TWSG1: variants seen among roughly 807,000 people sequenced by gnomAD.
TWSG1 encodes the protein twisted gastrulation protein homolog 1.
TWSG1 carries 15 observed loss-of-function variants against 23.0 expected under a neutral mutation model. That is an observed-to-expected ratio of 0.65 (90% CI 0.44 to 1.00). The LOEUF is 1.00. Ranked by LOEUF, TWSG1 falls within the 50% of genes least tolerant of loss-of-function variation. TWSG1 has a pLI of 0.00. For synonymous variants in TWSG1, 86 were observed against 92.8 expected, an observed-to-expected ratio of 0.93 and a Z score of 0.42; for missense variants, 242 against 278.7, an observed-to-expected ratio of 0.87 and a Z score of 0.94.
intron 4 of TWSG1, 23 bp downstream of exon 4, chr18:9,396,569 T>C: frequency 6.2e-7 from 1 of 1,602,544 alleles, no homozygotes; most frequent in Non-Finnish European, 8.5e-7. Flanking sequence ...AGTTGACTTT[T>C]TCCATTCCGC....
At chr18:9,371,087 T>C (rs1029365190) in intron 3 of TWSG1, among the ~76,000 whole-genome samples, 13 of 152,062 alleles carry the variant, frequency 8.5e-5, no homozygotes, top group Non-Finnish European at 1.6e-4. Flanking sequence ...ATTAGATTTA[T>C]GTAACTTCCC....
At chr18:9,388,253 C>G (rs1457180828) in intron 3 of TWSG1, 1 of 152,210 alleles carries the variant, frequency 6.6e-6, no homozygotes, top group Non-Finnish European at 1.5e-5. Context: ...TCTCTCAGGT[C>G]ATGCCATGTG....
intron 3 of TWSG1, among the ~76,000 whole-genome samples, chr18:9,387,401 G>T (rs1277913012): frequency 6.6e-6 from 1 of 152,028 alleles, no homozygotes; most frequent in Admixed American, 6.6e-5. Flanking sequence ...TATCCCTCAC[G>T]CAGGTTCAGC....
At position 9,360,142 on chromosome 18, in the gene TWSG1, G is replaced by A. The variant is rs1311377732; in HGVS notation, c.223+71G>A. 4 of 1,222,678 alleles carry A rather than the reference G, an allele frequency of 3.3e-6. No individual in the cohort carries two copies. The East Asian group carries it at 9.5e-5, about 29-fold the overall frequency. The allele number at this position is 1,222,678 out of a possible 1,614,324, so 75.7% of individuals were successfully genotyped here. On this transcript the variant is annotated intron_variant, in intron 3 of 4. Transcript: ENST00000262120. ...ATCCTTGGCTTTAAGAGACTTTAAGGAATATAAATGTAGTTTATGTGCATA... is the reference window on the plus strand; with the variant it reads ...ATCCTTGGCTTTAAGAGACTTTAAGAAATATAAATGTAGTTTATGTGCATA...
At chr18:9,375,661 T>C (rs1343289208) in intron 3 of TWSG1, among the ~76,000 whole-genome samples, 1 of 152,186 alleles carries the variant, frequency 6.6e-6, no homozygotes, top group Non-Finnish European at 1.5e-5. Flanking sequence ...ATAAGGTTAA[T>C]ATATAAAAAG....
intron 2 of TWSG1, among the ~76,000 whole-genome samples, chr18:9,352,660 T>C (rs956056959): frequency 3.9e-5 from 6 of 152,234 alleles, no homozygotes; most frequent in Non-Finnish European, 8.8e-5. Context: ...TCAATGACGT[T>C]TCCTTGTTTT....
At position 9,399,835 on chromosome 18, in the gene TWSG1, G is replaced by T; in HGVS notation, c.*308G>T. On this transcript the variant is annotated 3_prime_UTR_variant, in exon 5 of 5. Coordinates refer to ENST00000262120, the MANE Select transcript of TWSG1 (RefSeq NM_020648.6). Reference sequence around the variant, plus strand: ...AGGTTTTTAACATGAAGTCTGACGTGGTTTTCCTCTAGCATTCCAAAAGGT... The same window carrying T: ...AGGTTTTTAACATGAAGTCTGACGTTGTTTTCCTCTAGCATTCCAAAAGGT... The T allele has an allele frequency of 1.0e-5, 2 of 199,716 alleles. No homozygotes were observed. Among genetic ancestry groups the T allele is most frequent in the Non-Finnish European group, 2.0e-5 (2 of 99,844 alleles). 12.4% of individuals were successfully genotyped at this position (199,716 alleles called of 1,614,324 possible). A position where few individuals can be genotyped will look rare whatever the true frequency, so the allele number is the denominator to read the frequency against.
chr18:9,387,600 A>G (rs1232898384), intron 3 of TWSG1, among the ~76,000 whole-genome samples: 1 of 125,234 alleles, frequency 8.0e-6, no homozygotes, highest in African/African-American at 3.4e-5. Flanking sequence ...CTTCATCTCT[A>G]CTAAAAATAC....
intron 3 of TWSG1, among the ~76,000 whole-genome samples, chr18:9,389,620 T>C (rs770655696): frequency 6.6e-6 from 1 of 152,190 alleles, no homozygotes; most frequent in African/African-American, 2.4e-5. Context: ...ACAACTTTGT[T>C]CTCCTCAGCT....
intron 3 of TWSG1, among the ~76,000 whole-genome samples, chr18:9,377,387 T>C (rs2040635668): frequency 6.6e-6 from 1 of 151,644 alleles, no homozygotes; most frequent in Non-Finnish European, 1.5e-5. Flanking sequence ...CCCAGCTAAT[T>C]TTTGTATTTT....
At chr18:9,384,961 C>G (rs1019743319) in intron 3 of TWSG1, among the ~76,000 whole-genome samples, 1 of 152,004 alleles carries the variant, frequency 6.6e-6, no homozygotes, top group African/African-American at 2.4e-5. Context: ...TGTGCTTGCT[C>G]TTTAGTAAAC....
At position 9,396,346 on chromosome 18, in the gene TWSG1, A is replaced by G; in HGVS notation, c.290A>G (p.His97Arg). 1 of 1,614,162 alleles carries G rather than the reference A, an allele frequency of 6.2e-7. No homozygotes were observed. The highest frequency in any genetic ancestry group is 8.5e-7 in the Non-Finnish European group (1 of 1,180,020). ...TCAAAGAGCACAGTGGAGGAGCTGC[A>G]TGAACCGATCCCTTCTCTCTTCCGG... ...PTSKSTVEELHEPIPSLFRAL... is the reference protein window; with the variant it reads ...PTSKSTVEELREPIPSLFRAL... The change falls in exon 4 of 5, where the codon CAT becomes CGT. Residue 97 changes from histidine to arginine, a missense_variant. Physicochemically the swap from His to Arg is conservative, Grantham distance 29. Transcript: ENST00000262120.
At chr18:9,335,180 C>G (rs1242271751) in intron 1 of TWSG1, among the ~76,000 whole-genome samples, 3 of 152,106 alleles carry the variant, frequency 2.0e-5, no homozygotes, top group Admixed American at 6.5e-5. Context: ...CCGCAGCCCG[C>G]GTCGGCCGAG....
intron 3 of TWSG1, among the ~76,000 whole-genome samples, chr18:9,386,163 CA>C (rs879389343): frequency 1.5e-3 from 193 of 128,522 alleles, no homozygotes; most frequent in Admixed American, 1.3e-3. Flanking sequence ...GAATCTGTCT[CA>C]AAAAAAAAAA....
chr18:9,343,213 TATA>T (rs2040454665), intron 2 of TWSG1, among the ~76,000 whole-genome samples: 2 of 1,804 alleles, frequency 1.1e-3, no homozygotes, highest in Non-Finnish European at 2.8e-3. Flanking sequence ...TTTTTTGTTA[TATA>T]TATATATATA....
intron 2 of TWSG1, among the ~76,000 whole-genome samples, chr18:9,358,919 T>C (rs2145606559): frequency 6.6e-6 from 1 of 152,218 alleles, no homozygotes; most frequent in South Asian, 2.1e-4. Flanking sequence ...AAGTAATCAG[T>C]GGTGGCTATG....
chr18:9,335,058 C>G (rs4797362), intron 1 of TWSG1, 138 bp downstream of exon 1: 81,714 of 152,344 alleles, frequency 0.54, 23,115 homozygotes, highest in East Asian at 0.72. Context: ...GGCCCGGCTG[C>G]GCGGAGGACA....
chr18:9,361,091 A>G (rs971363301), intron 3 of TWSG1, among the ~76,000 whole-genome samples: 2 of 152,198 alleles, frequency 1.3e-5, no homozygotes, highest in Non-Finnish European at 2.9e-5. Flanking sequence ...ATAATAATGT[A>G]AGCACTAATT....
chr18:9,382,666 G>A (rs2040663104), intron 3 of TWSG1, among the ~76,000 whole-genome samples: 3 of 151,920 alleles, frequency 2.0e-5, no homozygotes, highest in Admixed American at 1.3e-4. Flanking sequence ...AATTAGCTGG[G>A]CGTGGTGGTG....
Sources: allele counts gnomAD v4.1 joint callset (sites outside exome capture counted in the v4.1 genomes callset), GRCh38; gene constraint gnomAD v4.1.1; transcripts MANE v1.5; gene names NCBI Gene and HGNC (gene_info 2026-07-23, HGNC 2026-07-21).